Variants in JAKMIP3 observed in about 807,000 individuals in gnomAD.
The protein encoded by JAKMIP3 is janus kinase and microtubule-interacting protein 3.
In JAKMIP3, 58 loss-of-function variants were observed where a neutral mutation model predicts 118.5. The ratio of observed to expected loss-of-function variants is 0.49; its 90% CI spans 0.40 to 0.61. JAKMIP3 has a LOEUF of 0.61. Ranked by LOEUF, JAKMIP3 falls within the 20% of genes least tolerant of loss-of-function variation. The pLI is 0.00. For missense variants in JAKMIP3, 950 were observed against 1,109.0 expected (o/e 0.86, Z 2.04); for synonymous variants, 486 against 451.2 (o/e 1.08, Z -0.98).
chr10:132,151,345 C>T (rs1783307798), intron 16 of JAKMIP3, among the ~76,000 whole-genome samples: 1 of 152,208 alleles, frequency 6.6e-6, no homozygotes, highest in African/African-American at 2.4e-5. Context: ...ATTGACCTTC[C>T]ACTTCCTCCA....
At chr10:132,109,056 ATG>A (rs2135093011) in intron 2 of JAKMIP3, among the ~76,000 whole-genome samples, 1 of 108,454 alleles carries the variant, frequency 9.2e-6, no homozygotes, top group East Asian at 2.5e-4. Flanking sequence ...ACACACATAC[ATG>A]CACATATACA....
chr10:132,176,438 GC>G (rs1413002706), intron 23 of JAKMIP3, among the ~76,000 whole-genome samples: 1 of 152,190 alleles, frequency 6.6e-6, no homozygotes, highest in Non-Finnish European at 1.5e-5. Flanking sequence ...CTGCTGGTCT[GC>G]AGCAGCTGCT....
At chr10:132,079,183 G>A (rs1283064375) in intron 1 of JAKMIP3, among the ~76,000 whole-genome samples, 1 of 125,900 alleles carries the variant, frequency 7.9e-6, no homozygotes, top group Non-Finnish European at 1.6e-5. Context: ...TGGGGTCTGT[G>A]GACCCCGGTA....
rs2047848832 is a variant in JAKMIP3, at chr10:132,117,367, G to A, written c.426G>A (p.Glu142=). 2 of 1,614,020 alleles carry A rather than the reference G, an allele frequency of 1.2e-6. No individual in the cohort carries two copies. The highest frequency in any genetic ancestry group is 1.1e-5 in the South Asian group (1 of 91,086). Residue 142 remains glutamate (E), a synonymous_variant, in exon 3 of 24, where the codon GAG becomes GAA. Transcript: ENST00000684848. The surrounding 1 kb of genome is among the most constrained non-coding windows in gnomAD (Gnocchi z 8.6). The stretch of plus-strand genomic sequence containing the variant: ...TGCTGCTGTCCGAGGCCAAGGAGGA[G>A]GCCAAGAAGGGGTTCGAGGTGGAGA... The part of the protein sequence containing the change: ...KTVLLSEAKE[E]AKKGFEVEKV...
At chr10:132,172,891 G>T (rs562394500) in intron 23 of JAKMIP3, among the ~76,000 whole-genome samples, 64 of 151,178 alleles carry the variant, frequency 4.2e-4, no homozygotes, top group Admixed American at 3.6e-3. Context: ...GGAAATACAT[G>T]TGCAAACCAA....
Position 132,117,583 on chromosome 10 carries a change from G to C in JAKMIP3, c.633+9G>C. 1 of 1,537,408 alleles carries C rather than the reference G, an allele frequency of 6.5e-7. No individual in the cohort carries two copies. Among genetic ancestry groups the C allele is most frequent in the South Asian group, 1.2e-5 (1 of 84,016 alleles). On this transcript the variant is annotated intron_variant, in intron 3 of 23. Transcript: ENST00000684848. This position sits in a 1 kb window ranked among gnomAD's most constrained non-coding sequence, Gnocchi z 8.6. ...GGGAGATCCGCAGGCTGGTACGTGG[G>C]CAGGCAGGGGCGGGCGTGGGCGAGG...
At position 132,178,644 on chromosome 10, in the gene JAKMIP3, C is replaced by G. The variant is rs944544322; in HGVS notation, c.*1104-3713C>G. Among the ~76,000 whole-genome samples the G allele has an allele frequency of 1.6e-4, 24 of 152,286 alleles. No individual in the cohort carries two copies. In the East Asian group the frequency reaches 2.1e-3, roughly 13 times the overall value. On this transcript the variant is annotated intron_variant, in intron 23 of 23. Coordinates refer to ENST00000684848, the MANE Select transcript of JAKMIP3 (RefSeq NM_001323087.2). ...GATCCAGACTGCAGGGTCTCACCCC[C>G]TCCCAAGCGGCTCACCCTGTGTGAG...
intron 19 of JAKMIP3, among the ~76,000 whole-genome samples, chr10:132,159,698 G>GGT (rs2057734679): frequency 2.7e-5 from 3 of 111,146 alleles, no homozygotes; most frequent in African/African-American, 1.1e-4. Context: ...TGCTCAGGGG[G>GGT]CCTCTCCCTG....
chr10:132,037,224 G>A (rs575477296), intron 1 of JAKMIP3, among the ~76,000 whole-genome samples: 29 of 152,300 alleles, frequency 1.9e-4, no homozygotes, highest in African/African-American at 5.3e-4. Context: ...GGAGGCGCCG[G>A]CCTGGACAGT....
chr10:132,139,049 A>T (rs866392496), intron 9 of JAKMIP3, among the ~76,000 whole-genome samples: 1 of 150,078 alleles, frequency 6.7e-6, no homozygotes, highest in Non-Finnish European at 1.5e-5. Context: ...CTTTATGTTG[A>T]GTGTGTGTGT....
chr10:132,115,212 G>A (rs2047446603), intron 2 of JAKMIP3, among the ~76,000 whole-genome samples: 1 of 102,948 alleles, frequency 9.7e-6, no homozygotes, highest in East Asian at 2.2e-4. Flanking sequence ...CGCGGCTAGG[G>A]GTCACCCTGC....
At chr10:132,052,211 G>A (rs1183224223) in intron 1 of JAKMIP3, among the ~76,000 whole-genome samples, 1 of 152,232 alleles carries the variant, frequency 6.6e-6, no homozygotes, top group Non-Finnish European at 1.5e-5. Context: ...GGGTGACAGA[G>A]TGAGACCCTG....
At chr10:132,043,810 G>C (rs375790115) in intron 1 of JAKMIP3, among the ~76,000 whole-genome samples, 2 of 152,210 alleles carry the variant, frequency 1.3e-5, no homozygotes, top group African/African-American at 2.4e-5. Flanking sequence ...GGCTTCAGGC[G>C]TCGGTGTTAA....
At position 132,170,597 on chromosome 10, in the gene JAKMIP3, T is replaced by C. The variant is rs573368699; in HGVS notation, c.*1103+1564T>C. 2.0e-5 allele frequency among the ~76,000 whole-genome samples: 3 copies of C among 152,290 alleles called. No individual in the cohort carries two copies. The East Asian group carries it at 5.8e-4, about 29-fold the overall frequency. ...TGGACGGCATCCCTGGATGGAGCCA[T>C]TTCCTGGGTACTGGACCTGGAGGTG... is the stretch of plus-strand genomic sequence containing the variant. On this transcript the variant is annotated intron_variant, in intron 23 of 23. Coordinates refer to ENST00000684848, the MANE Select transcript of JAKMIP3 (RefSeq NM_001323087.2).
chr10:132,168,488 C>T lies in JAKMIP3; in HGVS notation c.*558C>T. ...AGGGCTCCCCGACGCCTCAGGGGCC[C>T]CTCCGATGCTGCAATATGTTGCTGG... On this transcript the variant is annotated 3_prime_UTR_variant, in exon 23 of 24. Transcript: ENST00000684848. 1 of 919,128 alleles carries T rather than the reference C, an allele frequency of 1.1e-6. No individual in the cohort carries two copies. Among genetic ancestry groups the T allele is most frequent in the Non-Finnish European group, 1.5e-6 (1 of 679,242 alleles). The allele number at this position is 919,128 out of a possible 1,614,324, so 56.9% of individuals were successfully genotyped here. A position where few individuals can be genotyped will look rare whatever the true frequency, so the allele number is the denominator to read the frequency against.
rs1294905925 is a variant in JAKMIP3, at chr10:132,184,124, ATACTT to A, written c.*2874_*2878del. 2.0e-5 allele frequency: 3 copies of A among 152,232 alleles called. No individual in the cohort carries two copies. The highest frequency in any genetic ancestry group is 7.2e-5 in the African/African-American group (3 of 41,452). The allele number at this position is 152,232 out of a possible 1,614,324, so 9.4% of individuals were successfully genotyped here. ...GTGTTCAACACACAGAACAACATAG[ATACTT>A]TAGTTTGTCTAAAGTAAAAATCCAC... On this transcript the variant is annotated 3_prime_UTR_variant, in exon 24 of 24. Coordinates refer to ENST00000684848, the MANE Select transcript of JAKMIP3 (RefSeq NM_001323087.2).
intron 1 of JAKMIP3, among the ~76,000 whole-genome samples, chr10:132,077,923 C>T (rs1019745294): frequency 2.6e-5 from 4 of 152,280 alleles, no homozygotes; most frequent in South Asian, 2.1e-4. Context: ...GAGATTCTCC[C>T]GCCTCAGCCT....
intron 1 of JAKMIP3, among the ~76,000 whole-genome samples, chr10:132,096,061 T>C (rs1319735863): frequency 1.3e-5 from 2 of 152,160 alleles, no homozygotes; most frequent in Non-Finnish European, 2.9e-5. Flanking sequence ...TGGATCCTGG[T>C]TTCCTCACCT....
intron 3 of JAKMIP3, among the ~76,000 whole-genome samples, chr10:132,132,768 G>A (rs184242900): frequency 5.3e-5 from 8 of 152,326 alleles, no homozygotes; most frequent in Admixed American, 2.6e-4. Flanking sequence ...GTGCCCCTAC[G>A]TTGCACAGCC....
Sources: gnomAD v4.1 joint callset for allele counts (sites outside exome capture counted in the v4.1 genomes callset) on GRCh38, gnomAD v4.1.1 for gene constraint, Gnocchi (gnomAD v3.1) non-coding constraint, MANE v1.5 for transcripts, NCBI Gene and HGNC (gene_info 2026-07-23, HGNC 2026-07-21) for gene names.